The following ARID1B variants were observed in gnomAD, a reference collection of about 807,000 sequenced individuals.
ARID1B encodes the protein AT-rich interaction domain 1B, also known as AT-rich interactive domain-containing protein 1B.
In ARID1B, 30 loss-of-function variants were observed where a neutral mutation model predicts 212.3. The observed-to-expected ratio is 0.14, with a 90% CI of 0.11 to 0.19. ARID1B has a LOEUF of 0.19. Among genes scored for constraint, ARID1B ranks in the 10% least tolerant of loss-of-function variants. The pLI is 1.00. For synonymous variants in ARID1B, 1,402 were observed against 1,301.7 expected, an observed-to-expected ratio of 1.08 and a Z score of -1.66; for missense variants, 2,891 against 3,204.0, an observed-to-expected ratio of 0.90 and a Z score of 2.36.
intron 4 of ARID1B, among the ~76,000 whole-genome samples, chr6:157,021,890 G>T (rs1172717490): frequency 9.2e-5 from 14 of 152,228 alleles, no homozygotes; most frequent in African/African-American, 3.4e-4. Context: ...CCGCCGCCCC[G>T]CTACCTCGCC....
intron 7 of ARID1B, chr6:157,140,471 A>T (rs1037430718): frequency 2.6e-6 from 1 of 389,154 alleles, no homozygotes; most frequent in Non-Finnish European, 4.5e-6. Context: ...CCTTGTCTCG[A>T]TAAAAATAAA....
At chr6:157,101,776 C>G (rs1346486037) in intron 5 of ARID1B, among the ~76,000 whole-genome samples, 1 of 152,044 alleles carries the variant, frequency 6.6e-6, no homozygotes, top group Non-Finnish European at 1.5e-5. Context: ...CCAGAGTCAG[C>G]TAACGTAGGA....
In ARID1B at chr6:157,041,485, CT is replaced by C. The variant is rs146165111; in HGVS notation, c.2248-43175del. On this transcript the variant is annotated intron_variant, in intron 4 of 19. Coordinates refer to ENST00000636930, the MANE Select transcript of ARID1B (RefSeq NM_001374828.1). ...ACTTAATAAACTTCTTAATAAATTT[CT>C]TAAGAAATCTTACTAATCTAATAAG... Among the ~76,000 whole-genome samples, 1,280 of 152,274 alleles carry C rather than the reference CT, an allele frequency of 8.4e-3. 23 individuals carry two copies. Among genetic ancestry groups the C allele is most frequent in the African/African-American group, 0.03 (1,234 of 41,550 alleles).
chr6:157,207,237 C>T lies in ARID1B; in HGVS notation c.6465C>T (p.Ser2155=), dbSNP rs752762142. The change falls in exon 20 of 20, where the codon TCC becomes TCT. Residue 2155 remains serine (S), a synonymous_variant. Transcript: ENST00000636930. This position sits in a 1 kb window ranked among gnomAD's most constrained non-coding sequence, Gnocchi z 8.5. ...CGTTGGTCACGTTGGCCAACATTTCCGGGCAGCTAGACTTGTCTGCTTACA... is the reference window on the plus strand; with the variant it reads ...CGTTGGTCACGTTGGCCAACATTTCTGGGCAGCTAGACTTGTCTGCTTACA... The part of the protein sequence containing the change: ...DNTLVTLANI[S]GQLDLSAYTE... The T allele has an allele frequency of 2.4e-5, 38 of 1,614,026 alleles. No individual in the cohort carries two copies. The highest frequency in any genetic ancestry group is 4.5e-5 in the East Asian group (2 of 44,890).
chr6:157,039,318 A>ATTTTT (rs1215591720), intron 4 of ARID1B, among the ~76,000 whole-genome samples: 7 of 112,826 alleles, frequency 6.2e-5, no homozygotes, highest in African/African-American at 1.8e-4. Context: ...GAAATTTGAC[A>ATTTTT]TTTCTTTTTT....
At chr6:156,881,588 A>T (rs1787101787) in intron 2 of ARID1B, among the ~76,000 whole-genome samples, 1 of 152,118 alleles carries the variant, frequency 6.6e-6, no homozygotes, top group Non-Finnish European at 1.5e-5. Flanking sequence ...GGGTTCCCAT[A>T]CCTCAATACT....
intron 4 of ARID1B, among the ~76,000 whole-genome samples, chr6:157,033,142 G>T (rs1287477394): frequency 6.6e-6 from 1 of 152,144 alleles, no homozygotes; most frequent in Non-Finnish European, 1.5e-5. Flanking sequence ...TGTGCATTTT[G>T]ATTGATACTG....
rs2128290667 is a variant in ARID1B at position 157,167,111 on chromosome 6, A to G, written c.3161A>G (p.Asn1054Ser). The G allele has an allele frequency of 6.2e-7, 1 of 1,612,584 alleles. No homozygotes were observed. The change falls in exon 9 of 20, where the codon AAC becomes AGC. Residue 1054 changes from asparagine to serine, a missense_variant. Physicochemically the swap from Asn to Ser is conservative, Grantham distance 46. This residue lies in a region of ARID1B where 1,643 missense variants were observed against 1,544.0 expected (regional missense o/e 1.06). Transcript: ENST00000636930. The part of the protein sequence containing the change: ...ASSSPYSQPM[N>S]NSSSLMNTQA... Reference sequence around the variant, plus strand: ...AGCTCTCCCTACAGCCAGCCCATGAACAACAGCTCTAGCCTGATGAACACG... The same window carrying G: ...AGCTCTCCCTACAGCCAGCCCATGAGCAACAGCTCTAGCCTGATGAACACG...
chr6:156,777,120 C>T (rs997593108), upstream of ARID1B: 1 of 152,156 alleles, frequency 6.6e-6, no homozygotes, highest in African/African-American at 2.4e-5. Context: ...ATGCGAACGC[C>T]CGGTTGGCAA....
rs1778990449 is a variant in ARID1B, at chr6:156,779,242, C to G, written c.1562C>G (p.Pro521Arg). Residue 521 changes from proline (P) to arginine (R), a missense_variant, in exon 1 of 20, where the codon CCC becomes CGC. Around this residue, in one of 7 missense-constraint regions of ARID1B, gnomAD observed 1,643 missense variants for 1,544.0 expected, o/e 1.06. Transcript: ENST00000636930. ...ATGCGGAGCTACGGCGGCAGCTACC[C>G]CGAGTACAGCAGCCCCAGCGCGCCG... ...PMMRSYGGSY[P>R]EYSSPSAPPP... 1 of 1,225,278 alleles carries G rather than the reference C, an allele frequency of 8.2e-7. No homozygotes were observed. The highest frequency in any genetic ancestry group is 3.5e-5 in the East Asian group (1 of 28,914). 75.9% of individuals were successfully genotyped at this position (1,225,278 alleles called of 1,614,324 possible). A position where few individuals can be genotyped will look rare whatever the true frequency, so the allele number is the denominator to read the frequency against.
rs541398462 is a variant in ARID1B at position 157,012,868 on chromosome 6, G to A, written c.2248-71794G>A. Among the ~76,000 whole-genome samples, 314 of 152,246 alleles carry A rather than the reference G, an allele frequency of 2.1e-3. 1 individual carries two copies. Among genetic ancestry groups the A allele is most frequent in the Non-Finnish European group, 3.9e-3 (263 of 68,006 alleles). On this transcript the variant is annotated intron_variant, in intron 4 of 19. Transcript: ENST00000636930. ...GGTGAGGTTTTTAAGTATGGCATGA[G>A]GTTTTGTTTTGTTTTGTTTCGTTTT...
rs1311864878 is a variant in ARID1B at position 157,208,201 on chromosome 6, C to T, written c.*310C>T. 1 of 275,192 alleles carries T rather than the reference C, an allele frequency of 3.6e-6. No homozygotes were observed. Among genetic ancestry groups the T allele is most frequent in the African/African-American group, 2.2e-5 (1 of 46,200 alleles). 17.0% of individuals were successfully genotyped at this position (275,192 alleles called of 1,614,324 possible). On this transcript the variant is annotated 3_prime_UTR_variant, in exon 20 of 20. Transcript: ENST00000636930. ...TCACAGATCTTTTTAATGTTCTTTCCCATGTTGTATTGCATTTTTGGGGGA... is the reference window on the plus strand; with the variant it reads ...TCACAGATCTTTTTAATGTTCTTTCTCATGTTGTATTGCATTTTTGGGGGA...
At chr6:157,193,604 G>A (rs1793532185) in intron 15 of ARID1B, 1 of 152,184 alleles carries the variant, frequency 6.6e-6, no homozygotes, top group African/African-American at 2.4e-5. Context: ...GTCATCCCCA[G>A]GCTCTACTGG....
At chr6:156,809,957 A>G (rs1017285137) in intron 1 of ARID1B, among the ~76,000 whole-genome samples, 13 of 152,170 alleles carry the variant, frequency 8.5e-5, no homozygotes, top group African/African-American at 1.9e-4. Flanking sequence ...GATTTAAGCA[A>G]TCATCTGGGA....
chr6:156,817,124 C>T (rs1175799103), intron 1 of ARID1B, among the ~76,000 whole-genome samples: 1 of 150,990 alleles, frequency 6.6e-6, no homozygotes, highest in African/African-American at 2.4e-5. Flanking sequence ...GTGCCTTACA[C>T]CTGTAATTCC....
chr6:156,909,991 T>C (rs151090952), intron 3 of ARID1B, among the ~76,000 whole-genome samples: 2 of 152,328 alleles, frequency 1.3e-5, no homozygotes, highest in African/African-American at 2.4e-5. Context: ...GCTCACTAAC[T>C]ACATTGGTGA....
rs373783137 is a variant in ARID1B, at chr6:157,027,574, G to A, written c.2248-57088G>A. On this transcript the variant is annotated intron_variant, in intron 4 of 19. Coordinates refer to ENST00000636930, the MANE Select transcript of ARID1B (RefSeq NM_001374828.1). ...ACAGGGCAGCAGAAAGAAAACCAGTGACACACAATCGAGATGTATGAACAG... is the reference window on the plus strand; with the variant it reads ...ACAGGGCAGCAGAAAGAAAACCAGTAACACACAATCGAGATGTATGAACAG... Among the ~76,000 whole-genome samples, 4 of 152,314 alleles carry A rather than the reference G, an allele frequency of 2.6e-5. 1 individual carries two copies. In the South Asian group the frequency reaches 8.3e-4, roughly 32 times the overall value.
At chr6:157,196,815 G>A (rs1793760467) in intron 16 of ARID1B, among the ~76,000 whole-genome samples, 1 of 152,214 alleles carries the variant, frequency 6.6e-6, no homozygotes, top group African/African-American at 2.4e-5. Flanking sequence ...TTTAAACAGA[G>A]GGACAATACT....
chr6:156,946,929 T>C (rs1793197397), intron 4 of ARID1B, among the ~76,000 whole-genome samples: 1 of 152,260 alleles, frequency 6.6e-6, no homozygotes. Flanking sequence ...TCTTATATAG[T>C]TCTTTATAGA....
Sources: allele counts gnomAD v4.1 joint callset (sites outside exome capture counted in the v4.1 genomes callset), GRCh38; gene constraint gnomAD v4.1.1; regional missense constraint gnomAD v4.1.1; non-coding constraint Gnocchi (gnomAD v3.1); transcripts MANE v1.5; gene names NCBI Gene and HGNC (gene_info 2026-07-23, HGNC 2026-07-21).